Variants in LBR observed in about 807,000 individuals in gnomAD.
LBR encodes lamin B receptor.
Under a neutral mutation model 74.3 loss-of-function variants are expected in LBR, and 28 were observed. The observed-to-expected ratio is 0.38, with a 90% CI of 0.28 to 0.52. The LOEUF (loss-of-function observed/expected upper bound fraction) is 0.52, where lower values mean the gene tolerates loss of function less well. LBR is among the 20% of genes least tolerant of loss of function. The pLI is 0.89. For missense variants in LBR, 717 were observed against 760.3 expected (o/e 0.94, Z 0.67); for synonymous variants, 228 against 269.3 (o/e 0.85, Z 1.50).
At chr1:225,417,445 G>A (rs992191985) in intron 6 of LBR, 1 of 152,376 alleles carries the variant, frequency 6.6e-6, no homozygotes, top group African/African-American at 2.4e-5. Context: ...GCAGGAATCT[G>A]AAAACAACGT....
At position 225,404,386 on chromosome 1, in the gene LBR, C is replaced by T. The variant is rs2096087132; in HGVS notation, c.1687+18G>A. The T allele has an allele frequency of 1.9e-6, 3 of 1,613,704 alleles. No individual in the cohort carries two copies. The highest frequency in any genetic ancestry group is 1.1e-5 in the South Asian group (1 of 91,056). ...GGCGGCTAAAAGGGTCAAACTAGCA[C>T]TCTTCTGAAATGCTTACCACATGGG... On this transcript the variant is annotated intron_variant, in intron 13 of 13. Transcript: ENST00000272163.
In LBR at chr1:225,410,146, A is replaced by G. The variant is rs568479502; in HGVS notation, c.1314+145T>C. 116 of 1,241,194 alleles carry G rather than the reference A, an allele frequency of 9.3e-5. 1 individual carries two copies. The African/African-American group carries it at 1.6e-3, about 17-fold the overall frequency. 76.9% of individuals were successfully genotyped at this position (1,241,194 alleles called of 1,614,324 possible). ...GTCAGTGCTCCCTCGTCAGCTTCAC[A>G]TGGATGGCCTCGTCCTCCTCTCAAG... On this transcript the variant is annotated intron_variant, in intron 10 of 13. Transcript: ENST00000272163.
In LBR at chr1:225,418,062, T is replaced by C. The variant is rs1460274964; in HGVS notation, c.759A>G (p.Leu253=). ...AGACCCCAAATACTCTGGTTTCCCA[T>C]AACTCATACAAAGCTGGCAAAGGAG... ...FPPPLPALYE[L]WETRVFGVYL... Residue 253 remains leucine (L), a synonymous_variant, in exon 6 of 14, where the codon TTA becomes TTG. Coordinates refer to ENST00000272163, the MANE Select transcript of LBR (RefSeq NM_002296.4). The C allele has an allele frequency of 1.9e-6, 3 of 1,614,182 alleles. No individual in the cohort carries two copies. Among genetic ancestry groups the C allele is most frequent in the Non-Finnish European group, 2.5e-6 (3 of 1,180,030 alleles).
At chr1:225,417,914 T>TG in intron 6 of LBR, 70 bp downstream of exon 6, 2 of 1,431,194 alleles carry the variant, frequency 1.4e-6, no homozygotes, top group South Asian at 2.4e-5. Context: ...TCCCAGAAAT[T>TG]GGAGACCCGC....
At chr1:225,426,266 C>A (rs2096138918) in intron 1 of LBR, among the ~76,000 whole-genome samples, 1 of 152,220 alleles carries the variant, frequency 6.6e-6, no homozygotes, top group Non-Finnish European at 1.5e-5. Flanking sequence ...CAATCACATC[C>A]TAATATATTC....
At chr1:225,421,260 G>A (rs1445521498) in intron 3 of LBR, among the ~76,000 whole-genome samples, 3 of 152,234 alleles carry the variant, frequency 2.0e-5, no homozygotes, top group Admixed American at 6.5e-5. Context: ...TTGGGAGGCC[G>A]AGGCGGGTGG....
chr1:225,428,252 G>T (rs946806260), upstream of LBR, among the ~76,000 whole-genome samples: 1 of 152,088 alleles, frequency 6.6e-6, no homozygotes, highest in Non-Finnish European at 1.5e-5. Context: ...CTGCCTGGGG[G>T]CGGGGAGGCC....
intron 10 of LBR, among the ~76,000 whole-genome samples, chr1:225,407,438 G>A (rs2096094404): frequency 6.6e-6 from 1 of 152,220 alleles, no homozygotes; most frequent in Non-Finnish European, 1.5e-5. Flanking sequence ...GGCATTTCAT[G>A]TGCATTTTCC....
chr1:225,408,701 G>T (rs1043907331), intron 10 of LBR, among the ~76,000 whole-genome samples: 6 of 152,228 alleles, frequency 3.9e-5, no homozygotes, highest in Admixed American at 3.3e-4. Flanking sequence ...ATTATCATCT[G>T]GCTGAGATAC....
chr1:225,408,794 A>G (rs781699035), intron 10 of LBR, among the ~76,000 whole-genome samples: 11 of 152,248 alleles, frequency 7.2e-5, no homozygotes, highest in Non-Finnish European at 1.2e-4. Context: ...GTTTTGCCTT[A>G]AGATGCAAAA....
intron 7 of LBR, among the ~76,000 whole-genome samples, chr1:225,413,544 A>G (rs1276926279): frequency 1.4e-4 from 21 of 152,266 alleles, no homozygotes; most frequent in Non-Finnish European, 1.5e-5. Flanking sequence ...AACCTTTTGT[A>G]AAGTAAAATA....
chr1:225,410,537 G>A (rs771006486), intron 9 of LBR, 121 bp from the exon 10 acceptor site: 41 of 981,978 alleles, frequency 4.2e-5, no homozygotes, highest in South Asian at 1.1e-4. Flanking sequence ...ACTCCTACCC[G>A]CCACCAGGAA....
At chr1:225,412,210 TCTTA>T (rs2096107354) in intron 8 of LBR, among the ~76,000 whole-genome samples, 1 of 152,214 alleles carries the variant, frequency 6.6e-6, no homozygotes, top group Non-Finnish European at 1.5e-5. Context: ...TTACTAAACG[TCTTA>T]CTGTCATCAA....
At chr1:225,413,049 T>C (rs2096109510) in intron 7 of LBR, among the ~76,000 whole-genome samples, 2 of 152,212 alleles carry the variant, frequency 1.3e-5, no homozygotes, top group Non-Finnish European at 2.9e-5. Flanking sequence ...GAGGGTATTA[T>C]GCACCTACCA....
intron 9 of LBR, 37 bp from the exon 10 acceptor site, chr1:225,410,453 C>T: frequency 6.2e-7 from 1 of 1,610,716 alleles, no homozygotes; most frequent in East Asian, 2.2e-5. Flanking sequence ...CCTCAAAGCA[C>T]CTCCCCAGAG....
chr1:225,421,483 ACT>A (rs2096127417), intron 3 of LBR, among the ~76,000 whole-genome samples: 2 of 152,228 alleles, frequency 1.3e-5, no homozygotes, highest in South Asian at 2.1e-4. Context: ...ACAGAGCAAG[ACT>A]CTGTCTCAAA....
Position 225,401,564 on chromosome 1 carries a change from A to C in LBR, c.*1739T>G, listed in dbSNP as rs1003515001. The C allele has an allele frequency of 2.6e-5, 4 of 152,210 alleles. No homozygotes were observed. Among genetic ancestry groups the C allele is most frequent in the African/African-American group, 9.6e-5 (4 of 41,458 alleles). 9.4% of individuals were successfully genotyped at this position (152,210 alleles called of 1,614,324 possible). A position where few individuals can be genotyped will look rare whatever the true frequency, so the allele number is the denominator to read the frequency against. On this transcript the variant is annotated 3_prime_UTR_variant, in exon 14 of 14. Transcript: ENST00000272163. ...ACTTCATTATAAAATTTGCCAAATAAACATGTCAAAAACAAACTTAAAAAC... is the reference window on the plus strand; with the variant it reads ...ACTTCATTATAAAATTTGCCAAATACACATGTCAAAAACAAACTTAAAAAC...
intron 9 of LBR, among the ~76,000 whole-genome samples, chr1:225,410,946 T>G (rs1176605247): frequency 6.6e-6 from 1 of 152,182 alleles, no homozygotes; most frequent in African/African-American, 2.4e-5. Context: ...TCCTCCAAGG[T>G]TAATGTTGTG....
intron 3 of LBR, among the ~76,000 whole-genome samples, chr1:225,421,427 A>T (rs2096127317): frequency 6.6e-6 from 1 of 152,250 alleles, no homozygotes; most frequent in Non-Finnish European, 1.5e-5. Flanking sequence ...CAGGAGGCGG[A>T]GCTTGCAGTG....
Sources: gnomAD v4.1 joint callset for allele counts (sites outside exome capture counted in the v4.1 genomes callset) on GRCh38, gnomAD v4.1.1 for gene constraint, MANE v1.5 for transcripts, NCBI Gene and HGNC (gene_info 2026-07-23, HGNC 2026-07-21) for gene names.